SHANK2: variants seen among roughly 807,000 people sequenced by gnomAD.
SHANK2 encodes the protein SH3 and multiple ankyrin repeat domains protein 2.
In SHANK2, 43 loss-of-function variants were observed where a neutral mutation model predicts 133.7. The observed-to-expected ratio is 0.32, with a 90% CI of 0.25 to 0.41. SHANK2 has a LOEUF of 0.41. Ranked by LOEUF, SHANK2 falls within the 10% of genes least tolerant of loss-of-function variation. SHANK2 has a pLI of 1.00. For missense variants in SHANK2, 1,994 were observed against 2,235.8 expected (o/e 0.89, Z 2.18); for synonymous variants, 1,017 against 952.8 (o/e 1.07, Z -1.24).
intron 10 of SHANK2, among the ~76,000 whole-genome samples, chr11:70,934,240 C>T (rs1364053963): frequency 1.0e-5 from 1 of 97,654 alleles, no homozygotes; most frequent in Admixed American, 1.2e-4. Flanking sequence ...TCAACAACAA[C>T]ACCACCAAAA....
intron 17 of SHANK2, among the ~76,000 whole-genome samples, chr11:70,629,557 G>A (rs1300191370): frequency 3.3e-5 from 5 of 152,084 alleles, no homozygotes; most frequent in African/African-American, 1.2e-4. Flanking sequence ...GAAGGGCAGC[G>A]GGATGAGCTG....
intron 14 of SHANK2, among the ~76,000 whole-genome samples, chr11:70,755,788 A>G (rs1946857538): frequency 6.6e-6 from 1 of 152,238 alleles, no homozygotes; most frequent in African/African-American, 2.4e-5. Context: ...CCGCGCCAGC[A>G]GATTCCTGGA....
At chr11:71,142,370 G>A (rs1245187093) in intron 3 of SHANK2, among the ~76,000 whole-genome samples, 6 of 152,096 alleles carry the variant, frequency 3.9e-5, no homozygotes, top group South Asian at 2.1e-4. Context: ...GCGTGGTGGC[G>A]CATGCCTATA....
At chr11:71,230,030 G>T (rs1291167320) in intron 1 of SHANK2, among the ~76,000 whole-genome samples, 1 of 152,168 alleles carries the variant, frequency 6.6e-6, no homozygotes, top group Non-Finnish European at 1.5e-5. Context: ...ATATGGACAA[G>T]ATTATTCAGC....
chr11:71,208,640 T>A (rs1183011569), intron 2 of SHANK2, among the ~76,000 whole-genome samples: 2 of 151,782 alleles, frequency 1.3e-5, no homozygotes, highest in African/African-American at 2.4e-5. Flanking sequence ...CAACGAGCAG[T>A]CTCTGGAATA....
intron 17 of SHANK2, among the ~76,000 whole-genome samples, chr11:70,637,049 G>A (rs782529717): frequency 6.6e-6 from 1 of 151,750 alleles, no homozygotes; most frequent in African/African-American, 2.4e-5. Flanking sequence ...TGGTGGGCAC[G>A]TATGTGGGTG....
intron 8 of SHANK2, among the ~76,000 whole-genome samples, chr11:71,076,509 ACAAAC>A (rs1951222054): frequency 1.4e-5 from 2 of 145,426 alleles, no homozygotes; most frequent in South Asian, 2.1e-4. Context: ...CAAAAAAAAA[ACAAAC>A]AAAAACAAAA....
At chr11:71,121,562 G>C (rs1210060163) in intron 3 of SHANK2, among the ~76,000 whole-genome samples, 3 of 152,136 alleles carry the variant, frequency 2.0e-5, no homozygotes, top group Non-Finnish European at 4.4e-5. Context: ...AGAAGCTCTT[G>C]AGTTTAATTA....
At chr11:70,857,143 C>T (rs1446915026) in intron 11 of SHANK2, among the ~76,000 whole-genome samples, 1 of 152,214 alleles carries the variant, frequency 6.6e-6, no homozygotes, top group Non-Finnish European at 1.5e-5. Context: ...GGTTTCCATG[C>T]TTTGCATAAA....
At chr11:71,121,375 C>T (rs551547370) in intron 3 of SHANK2, among the ~76,000 whole-genome samples, 6 of 152,172 alleles carry the variant, frequency 3.9e-5, no homozygotes, top group Non-Finnish European at 7.3e-5. Context: ...TCTTTGCAGA[C>T]GTAATCAAGT....
chr11:71,147,692 G>A (rs1952684210), intron 2 of SHANK2, among the ~76,000 whole-genome samples: 1 of 152,212 alleles, frequency 6.6e-6, no homozygotes, highest in South Asian at 2.1e-4. Context: ...AGGGCCACTG[G>A]GGCTGTCTGA....
At chr11:70,795,565 C>A (rs1364284651) in intron 14 of SHANK2, among the ~76,000 whole-genome samples, 1 of 152,032 alleles carries the variant, frequency 6.6e-6, no homozygotes, top group Non-Finnish European at 1.5e-5. Flanking sequence ...GGCACCATGT[C>A]CGGCTAATTT....
At chr11:70,945,111 T>C (rs1408273937) in intron 10 of SHANK2, among the ~76,000 whole-genome samples, 2 of 152,084 alleles carry the variant, frequency 1.3e-5, no homozygotes, top group Non-Finnish European at 2.9e-5. Context: ...CAGCTGCCCA[T>C]CTCCATCTTC....
rs1491563939 is a variant in SHANK2 at position 71,210,210 on chromosome 11, G to GTGTATATATATA, written c.-13+14486_-13+14487insTATATATATACA. Among the ~76,000 whole-genome samples, 46 of 54,062 alleles carry GTGTATATATATA rather than the reference G, an allele frequency of 8.5e-4. 1 individual carries two copies. The highest frequency in any genetic ancestry group is 6.4e-3 in the East Asian group (6 of 944). The allele number at this position is 54,062 out of a possible 152,430, so 35.5% of individuals were successfully genotyped here. A position where few individuals can be genotyped will look rare whatever the true frequency, so the allele number is the denominator to read the frequency against. ...GGTCCTCTTCATTGGAAATCCACAG[G>GTGTATATATATA]TATATATATATATATATATATATAT... On this transcript the variant is annotated intron_variant, in intron 2 of 25. Coordinates refer to ENST00000601538, the MANE Select transcript of SHANK2 (RefSeq NM_012309.5).
At chr11:70,811,067 C>T (rs966457267) in intron 12 of SHANK2, among the ~76,000 whole-genome samples, 8 of 152,094 alleles carry the variant, frequency 5.3e-5, no homozygotes, top group Non-Finnish European at 1.2e-4. Flanking sequence ...TCAGGTCAGC[C>T]CAGCCCCATG....
intron 11 of SHANK2, among the ~76,000 whole-genome samples, chr11:70,865,705 A>G (rs1949346532): frequency 6.6e-6 from 1 of 152,164 alleles, no homozygotes. Flanking sequence ...CCGCCTTCTG[A>G]TGTAGCTGGA....
intron 17 of SHANK2, among the ~76,000 whole-genome samples, chr11:70,554,813 G>A (rs558150322): frequency 6.8e-6 from 1 of 147,994 alleles, no homozygotes; most frequent in Admixed American, 6.8e-5. Context: ...CCTGGCAACT[G>A]CTGATTTTTC....
chr11:70,666,581 C>T (rs898328486), intron 15 of SHANK2, among the ~76,000 whole-genome samples: 2 of 152,162 alleles, frequency 1.3e-5, no homozygotes, highest in African/African-American at 2.4e-5. Context: ...CCAGAGTCTG[C>T]CCTGACCTTG....
intron 17 of SHANK2, among the ~76,000 whole-genome samples, chr11:70,567,846 A>T (rs2059987256): frequency 6.6e-6 from 1 of 152,140 alleles, no homozygotes; most frequent in Non-Finnish European, 1.5e-5. Context: ...GGGCAGCCCG[A>T]ACTAAGACAG....
Sources: gnomAD v4.1 joint callset for allele counts (sites outside exome capture counted in the v4.1 genomes callset) on GRCh38, gnomAD v4.1.1 for gene constraint, MANE v1.5 for transcripts, NCBI Gene and HGNC (gene_info 2026-07-23, HGNC 2026-07-21) for gene names.